SGSM1: variants seen among roughly 807,000 people sequenced by gnomAD.
SGSM1 encodes the protein small G protein signaling modulator 1, also known as RUN and TBC1 domain containing 2.
SGSM1 carries 73 observed loss-of-function variants against 133.8 expected under a neutral mutation model. The ratio of observed to expected loss-of-function variants is 0.55; its 90% confidence interval spans 0.45 to 0.66. The LOEUF (loss-of-function observed/expected upper bound fraction) is 0.66, where lower values mean the gene tolerates loss of function less well. Among genes scored for constraint, SGSM1 ranks in the 30% least tolerant of loss-of-function variants. The probability of loss-of-function intolerance (pLI) is 0.00; values close to 1 mark genes in which losing one functional copy is unlikely to be tolerated. For missense variants in SGSM1, 1,213 were observed against 1,448.1 expected, an observed-to-expected ratio of 0.84 and a Z score of 2.64; for synonymous variants, 563 against 573.0, an observed-to-expected ratio of 0.98 and a Z score of 0.25.
At chr22:24,892,934 G>T (rs1024444510) in intron 16 of SGSM1, among the ~76,000 whole-genome samples, 2 of 151,344 alleles carry the variant, frequency 1.3e-5, no homozygotes, top group African/African-American at 2.4e-5. Context: ...GGTGGCGCAT[G>T]CCTGTAGTCC....
At position 24,898,087 on chromosome 22, in the gene SGSM1, G is replaced by A. The variant is rs552568092; in HGVS notation, c.2138G>A (p.Gly713Asp). ...AACGGCACTTGTTCCCCAGACTCGGGTCATCCTTCCTCCCATAACTTCTCC... is the reference window on the plus strand; with the variant it reads ...AACGGCACTTGTTCCCCAGACTCGGATCATCCTTCCTCCCATAACTTCTCC... Reference protein sequence around the residue: ...LVNGTCSPDSGHPSSHNFSSG... With the variant: ...LVNGTCSPDSDHPSSHNFSSG... Residue 713 changes from glycine to aspartate, a missense_variant, in exon 19 of 25, where the codon GGT becomes GAT. Coordinates refer to ENST00000400358, the MANE Select transcript of SGSM1 (RefSeq NM_001098497.3). 3 of 1,613,922 alleles carry A rather than the reference G, an allele frequency of 1.9e-6. No homozygotes were observed. In the South Asian group the frequency reaches 3.3e-5, roughly 18 times the overall value.
intron 16 of SGSM1, 113 bp downstream of exon 16, chr22:24,886,841 G>A (rs538136628): frequency 8.9e-5 from 120 of 1,342,746 alleles, no homozygotes; most frequent in African/African-American, 5.2e-4. Flanking sequence ...GAGATACGGG[G>A]AAGATGGGAA....
chr22:24,894,974 GGTGCTCTAGTT>G (rs1309748719), intron 17 of SGSM1, among the ~76,000 whole-genome samples: 2 of 152,182 alleles, frequency 1.3e-5, no homozygotes, highest in East Asian at 3.8e-4. Flanking sequence ...TTAAAGGTGG[GGTGCTCTAGTT>G]GCAGAGGTGA....
At chr22:24,900,340 C>CTTCTTTCT (rs201367603) in intron 19 of SGSM1, among the ~76,000 whole-genome samples, 4,087 of 125,826 alleles carry the variant, frequency 0.032, 130 homozygotes, top group African/African-American at 0.047. Flanking sequence ...TTGTTAACCT[C>CTTCTTTCT]TTCTTTCTTT....
chr22:24,866,653 T>G (rs780706014), intron 9 of SGSM1, among the ~76,000 whole-genome samples: 2 of 152,204 alleles, frequency 1.3e-5, no homozygotes, highest in Non-Finnish European at 2.9e-5. Flanking sequence ...TCTTCAGACT[T>G]CTGCCCTTAC....
chr22:24,897,980 G>A lies in SGSM1; in HGVS notation c.2031G>A (p.Glu677=), dbSNP rs957512608. 7 of 1,596,650 alleles carry A rather than the reference G, an allele frequency of 4.4e-6. No homozygotes were observed. Among genetic ancestry groups the A allele is most frequent in the Non-Finnish European group, 6.0e-6 (7 of 1,171,628 alleles). Residue 677 remains glutamate, a synonymous_variant, in exon 19 of 25, where the codon GAG becomes GAA. Transcript: ENST00000400358. Reference sequence around the variant, plus strand: ...GTGCACCTTGTCCTCAGGTGTTTGAGTCTGTGGATGAGGTGGAGCAGGTGG... The same window carrying A: ...GTGCACCTTGTCCTCAGGTGTTTGAATCTGTGGATGAGGTGGAGCAGGTGG... The part of the protein sequence containing the change: ...SDSSSSTQVF[E]SVDEVEQVEA...
At chr22:24,808,118 T>G (rs1207400810) in intron 2 of SGSM1, among the ~76,000 whole-genome samples, 6 of 148,740 alleles carry the variant, frequency 4.0e-5, no homozygotes, top group South Asian at 2.2e-4. Flanking sequence ...TCTTGGTGTT[T>G]TTTTTTTTTT....
At chr22:24,900,019 T>A (rs1293431500) in intron 19 of SGSM1, among the ~76,000 whole-genome samples, 2 of 145,798 alleles carry the variant, frequency 1.4e-5, no homozygotes, top group Non-Finnish European at 3.0e-5. Context: ...GATTATTTTA[T>A]AGTCTCTTGC....
chr22:24,887,138 T>TGTGTGTGTGTGTGTG (rs1601956574), intron 16 of SGSM1, among the ~76,000 whole-genome samples: 8 of 148,602 alleles, frequency 5.4e-5, no homozygotes, highest in East Asian at 4.0e-4. Context: ...TGTGTGTGTG[T>TGTGTGTGTGTGTGTG]TTTCTCTGCA....
chr22:24,865,251 A>G (rs1369364005), intron 9 of SGSM1, among the ~76,000 whole-genome samples: 1 of 152,188 alleles, frequency 6.6e-6, no homozygotes, highest in Admixed American at 6.5e-5. Context: ...GGTGTTCAGC[A>G]CCTTTGAGGA....
rs142205467 is a variant in SGSM1, at chr22:24,879,384, G to A, written c.1431-78G>A. ...GATATTAATCTGCCCTCTAGAGATA[G>A]CACGTGGTTATCCTCTCCAGAAAAT... On this transcript the variant is annotated intron_variant, in intron 13 of 24. Transcript: ENST00000400358. 3,376 of 1,381,198 alleles carry A rather than the reference G, an allele frequency of 2.4e-3. 48 individuals are homozygous for A. The African/African-American group carries it at 0.041, about 17-fold the overall frequency. The allele number at this position is 1,381,198 out of a possible 1,614,324, so 85.6% of individuals were successfully genotyped here.
chr22:24,901,471 C>G (rs1933158406), intron 19 of SGSM1, among the ~76,000 whole-genome samples: 1 of 152,132 alleles, frequency 6.6e-6, no homozygotes, highest in Admixed American at 6.6e-5. Flanking sequence ...TTCTTATTTT[C>G]TTGCCACATC....
At chr22:24,862,991 A>G (rs1931240659) in intron 9 of SGSM1, among the ~76,000 whole-genome samples, 1 of 152,112 alleles carries the variant, frequency 6.6e-6, no homozygotes, top group South Asian at 2.1e-4. Context: ...TGTTGCTTGG[A>G]CTTGAGCCCA....
intron 2 of SGSM1, among the ~76,000 whole-genome samples, chr22:24,834,357 C>T (rs1189556508): frequency 6.6e-6 from 1 of 152,208 alleles, no homozygotes; most frequent in African/African-American, 2.4e-5. Context: ...GGTTGGCCCT[C>T]GGGCCAAATC....
intron 2 of SGSM1, among the ~76,000 whole-genome samples, chr22:24,812,171 AAAAAAG>A (rs1313429586): frequency 3.0e-3 from 313 of 105,182 alleles, no homozygotes; most frequent in African/African-American, 9.5e-3. Flanking sequence ...CTCCGTCTCA[AAAAAAG>A]AAAAAAAAAA....
intron 16 of SGSM1, among the ~76,000 whole-genome samples, chr22:24,891,382 G>T (rs1278398475): frequency 6.6e-6 from 1 of 152,136 alleles, no homozygotes; most frequent in Non-Finnish European, 1.5e-5. Flanking sequence ...GGATGGAGGG[G>T]AGATGACAAA....
intron 16 of SGSM1, among the ~76,000 whole-genome samples, chr22:24,886,946 G>T (rs1225889467): frequency 6.6e-6 from 1 of 152,078 alleles, no homozygotes; most frequent in Non-Finnish European, 1.5e-5. Flanking sequence ...TTATGCAGTT[G>T]TAAGAAATTA....
chr22:24,872,953 G>A (rs1931840419), intron 12 of SGSM1, among the ~76,000 whole-genome samples: 1 of 151,032 alleles, frequency 6.6e-6, no homozygotes, highest in South Asian at 2.1e-4. Context: ...AATTACATAT[G>A]TGGCTCAATT....
At chr22:24,898,653 T>C in intron 19 of SGSM1, 94 bp downstream of exon 19, 1 of 1,255,234 alleles carries the variant, frequency 8.0e-7, no homozygotes. Flanking sequence ...GACCCCGGAG[T>C]CAGACCTCTG....
Sources: allele counts gnomAD v4.1 joint callset (sites outside exome capture counted in the v4.1 genomes callset), GRCh38; gene constraint gnomAD v4.1.1; transcripts MANE v1.5; gene names NCBI Gene and HGNC (gene_info 2026-07-23, HGNC 2026-07-21).